DMXL2: variants seen among roughly 807,000 people sequenced by gnomAD.
The protein encoded by DMXL2 is Dmx like 2, also known as dmX-like protein 2.
A neutral mutation model predicts 331.1 loss-of-function variants in DMXL2; 103 were observed. The ratio of observed to expected loss-of-function variants is 0.31; its 90% confidence interval spans 0.27 to 0.37. The LOEUF (loss-of-function observed/expected upper bound fraction) is 0.37. DMXL2 is among the 10% of genes least tolerant of loss of function. DMXL2 has a pLI of 1.00. For synonymous variants in DMXL2, 1,281 were observed against 1,252.1 expected (o/e 1.02, Z -0.49); for missense variants, 3,171 against 3,642.9 (o/e 0.87, Z 3.33).
chr15:51,542,762 C>T (rs775090615), intron 8 of DMXL2, among the ~76,000 whole-genome samples: 2 of 151,698 alleles, frequency 1.3e-5, no homozygotes, highest in Admixed American at 6.6e-5. Context: ...TAAAGATTCC[C>T]GTTAATATTA....
Position 51,499,742 on chromosome 15 carries a change from A to C in DMXL2, c.3482T>G (p.Leu1161Arg), listed in dbSNP as rs778055654. 6.2e-7 allele frequency: 1 copy of C among 1,614,142 alleles called. No individual in the cohort carries two copies. Among genetic ancestry groups the C allele is most frequent in the South Asian group, 1.1e-5 (1 of 91,078 alleles). ...SDALLSKDRY[L>R]IPNIKHLVHL... is the part of the protein sequence containing the mutation. ...TACTAAATGTTTGATATTCGGAATA[A>C]GATATCTATCCTTGCTCAAGAGTGC... The change falls in exon 18 of 44, where the codon CTT becomes CGT. Residue 1161 changes from leucine (L) to arginine (R), a missense_variant. Around this residue, in one of 7 missense-constraint regions of DMXL2, gnomAD observed 1,674 missense variants for 1,780.2 expected, o/e 0.94. Coordinates refer to ENST00000560891, the MANE Select transcript of DMXL2 (RefSeq NM_001378457.1).
At chr15:51,606,191 A>T (rs973389591) in intron 1 of DMXL2, among the ~76,000 whole-genome samples, 8 of 152,124 alleles carry the variant, frequency 5.3e-5, no homozygotes, top group Non-Finnish European at 1.0e-4. Context: ...ACTTATAGAG[A>T]TTTTGTATGT....
chr15:51,544,085 C>T (rs1291137904), intron 8 of DMXL2, among the ~76,000 whole-genome samples: 4 of 151,976 alleles, frequency 2.6e-5, no homozygotes, highest in African/African-American at 9.7e-5. Flanking sequence ...ATTTCACTTA[C>T]ATTTTAAATA....
At chr15:51,523,038 T>A (rs979460412) in intron 13 of DMXL2, among the ~76,000 whole-genome samples, 4 of 152,288 alleles carry the variant, frequency 2.6e-5, no homozygotes, top group African/African-American at 9.6e-5. Flanking sequence ...TACAGAACAA[T>A]ATTTATAGCT....
At position 51,537,870 on chromosome 15, in the gene DMXL2, C is replaced by T. The variant is rs559812554; in HGVS notation, c.1346-111G>A. On this transcript the variant is annotated intron_variant, in intron 10 of 43. Coordinates refer to ENST00000560891, the MANE Select transcript of DMXL2 (RefSeq NM_001378457.1). ...AAAACTAAATCTCTTTTCCAATTTA[C>T]AGTCAGAAAAAAAAACAAAGGAAAC... 2.4e-5 allele frequency: 30 copies of T among 1,250,192 alleles called. No individual in the cohort carries two copies. The East Asian group carries it at 7.5e-4, about 31-fold the overall frequency. 77.4% of individuals were successfully genotyped at this position (1,250,192 alleles called of 1,614,324 possible). A position where few individuals can be genotyped will look rare whatever the true frequency, so the allele number is the denominator to read the frequency against.
chr15:51,533,474 A>G (rs1049758262), intron 13 of DMXL2, among the ~76,000 whole-genome samples: 1 of 152,212 alleles, frequency 6.6e-6, no homozygotes, highest in Admixed American at 6.5e-5. Context: ...CCCCCAAATC[A>G]TGGAGAATGA....
At chr15:51,483,505 G>T (rs1053587134) in intron 23 of DMXL2, among the ~76,000 whole-genome samples, 9 of 152,114 alleles carry the variant, frequency 5.9e-5, no homozygotes, top group African/African-American at 2.4e-5. Context: ...TCTTGCCCAG[G>T]GTGAACCTGC....
chr15:51,526,488 T>C (rs2047684622), intron 13 of DMXL2, among the ~76,000 whole-genome samples: 1 of 152,192 alleles, frequency 6.6e-6, no homozygotes, highest in African/African-American at 2.4e-5. Flanking sequence ...TCAATGTCCA[T>C]GCACCAAAGA....
intron 20 of DMXL2, among the ~76,000 whole-genome samples, chr15:51,489,395 G>A (rs2042628800): frequency 6.6e-6 from 1 of 152,084 alleles, no homozygotes; most frequent in Admixed American, 6.5e-5. Context: ...AGTGGTTCAT[G>A]CCTGTAATCC....
Position 51,499,969 on chromosome 15 carries a change from A to T in DMXL2, c.3255T>A (p.Ala1085=). 6.2e-7 allele frequency: 1 copy of T among 1,614,004 alleles called. No individual in the cohort carries two copies. Among genetic ancestry groups the T allele is most frequent in the Non-Finnish European group, 8.5e-7 (1 of 1,179,946 alleles). ...SCSYTGRLAV[A]YKQPIHHNGF... ...CATTATGGTGGATAGGCTGCTTATA[A>T]GCCACTGCAAGGCGACCTGTGTATG... Residue 1085 remains alanine, a synonymous_variant, in exon 18 of 44, where the codon GCT becomes GCA. Transcript: ENST00000560891.
At chr15:51,533,271 T>C (rs1251331681) in intron 13 of DMXL2, among the ~76,000 whole-genome samples, 2 of 152,078 alleles carry the variant, frequency 1.3e-5, no homozygotes, top group Non-Finnish European at 2.9e-5. Context: ...AATCTTCCCA[T>C]CTCATTCCCA....
At chr15:51,536,948 GCTT>G (rs925258239) in intron 11 of DMXL2, 86 bp from the exon 12 acceptor site, 118 of 1,161,420 alleles carry the variant, frequency 1.0e-4, no homozygotes, top group Non-Finnish European at 1.3e-4. Flanking sequence ...CCAAATCTCA[GCTT>G]CTTATCAAAA....
intron 2 of DMXL2, among the ~76,000 whole-genome samples, chr15:51,569,908 C>A (rs2050547575): frequency 6.6e-6 from 1 of 152,056 alleles, no homozygotes; most frequent in Non-Finnish European, 1.5e-5. Context: ...CAACTCCTCG[C>A]CAGCAAGGGA....
rs570505250 is a variant in DMXL2 at position 51,489,286 on chromosome 15, T to C, written c.4954-641A>G. ...TGGATGTTTTATTAATTAGCTCACATTGATGGCAAAGCAGGAAGCTATAAT... is the reference window on the plus strand; with the variant it reads ...TGGATGTTTTATTAATTAGCTCACACTGATGGCAAAGCAGGAAGCTATAAT... On this transcript the variant is annotated intron_variant, in intron 20 of 43. Transcript: ENST00000560891. Among the ~76,000 whole-genome samples, 7 of 152,294 alleles carry C rather than the reference T, an allele frequency of 4.6e-5. No homozygotes were observed. The East Asian group carries it at 5.8e-4, about 13-fold the overall frequency.
intron 1 of DMXL2, among the ~76,000 whole-genome samples, chr15:51,617,121 T>G (rs1168807613): frequency 6.6e-6 from 1 of 152,164 alleles, no homozygotes; most frequent in South Asian, 2.1e-4. Flanking sequence ...TCCTGTGCTC[T>G]TTCAGATAAT....
At chr15:51,581,185 G>A (rs1595601409) in intron 1 of DMXL2, among the ~76,000 whole-genome samples, 2 of 152,118 alleles carry the variant, frequency 1.3e-5, no homozygotes, top group Admixed American at 6.6e-5. Context: ...CCAGATCAGC[G>A]GTGGCATTAG....
chr15:51,492,550 A>G (rs1235628279), intron 19 of DMXL2, among the ~76,000 whole-genome samples: 2 of 152,158 alleles, frequency 1.3e-5, no homozygotes, highest in Non-Finnish European at 2.9e-5. Context: ...TTGAAGAGGC[A>G]ACAAAATCTT....
intron 3 of DMXL2, among the ~76,000 whole-genome samples, chr15:51,566,025 T>C (rs367837721): frequency 2.0e-5 from 3 of 152,198 alleles, no homozygotes; most frequent in South Asian, 4.1e-4. Flanking sequence ...CTGGGCAACA[T>C]TGCAAGACCC....
rs1007292260 is a variant in DMXL2 at position 51,450,107 on chromosome 15, C to T, written c.8967+22G>A. ...CTTTCCAATCAGTCTTTAGCACATT[C>T]CAACCTCTTGTACTGACTCACCTTT... On this transcript the variant is annotated intron_variant, in intron 43 of 43. Transcript: ENST00000560891. 6.8e-6 allele frequency: 11 copies of T among 1,607,088 alleles called. No individual in the cohort carries two copies. The Admixed American group carries it at 1.8e-4, about 27-fold the overall frequency.
Sources: allele counts gnomAD v4.1 joint callset (sites outside exome capture counted in the v4.1 genomes callset), GRCh38; gene constraint gnomAD v4.1.1; regional missense constraint gnomAD v4.1.1; transcripts MANE v1.5; gene names NCBI Gene and HGNC (gene_info 2026-07-23, HGNC 2026-07-21).